Variants in BAZ1B observed in about 807,000 individuals in gnomAD.
BAZ1B encodes the protein bromodomain adjacent to zinc finger domain 1B, also known as tyrosine-protein kinase BAZ1B.
In BAZ1B, 22 loss-of-function variants were observed where a neutral mutation model predicts 153.8. The observed-to-expected ratio is 0.14, with a 90% CI of 0.10 to 0.20. The LOEUF is 0.20. Ranked by LOEUF, BAZ1B falls within the 10% of genes least tolerant of loss-of-function variation. The probability of loss-of-function intolerance (pLI) is 1.00; values close to 1 mark genes in which losing one functional copy is unlikely to be tolerated. For missense variants in BAZ1B, 1,325 were observed against 1,799.3 expected (o/e 0.74, Z 4.77); for synonymous variants, 676 against 633.4 (o/e 1.07, Z -1.01).
At chr7:73,514,455 C>G (rs1790709991) in intron 1 of BAZ1B, among the ~76,000 whole-genome samples, 1 of 150,958 alleles carries the variant, frequency 6.6e-6, no homozygotes, top group South Asian at 2.1e-4. Context: ...ACTGCTTGAA[C>G]CTTGGAGACG....
chr7:73,443,081 G>A (rs188367547), intron 17 of BAZ1B, among the ~76,000 whole-genome samples: 1 of 152,314 alleles, frequency 6.6e-6, no homozygotes, highest in African/African-American at 2.4e-5. Flanking sequence ...GGCAGCGGGG[G>A]CCGCCTTTAC....
chr7:73,495,652 A>G (rs1211919752), intron 4 of BAZ1B, among the ~76,000 whole-genome samples: 2 of 152,234 alleles, frequency 1.3e-5, no homozygotes, highest in Non-Finnish European at 2.9e-5. Flanking sequence ...AACAATGGAC[A>G]CAAGAAAGAA....
chr7:73,464,250 G>T, intron 11 of BAZ1B: 1 of 746,076 alleles, frequency 1.3e-6, no homozygotes, highest in Non-Finnish European at 1.6e-6. Flanking sequence ...GAGGCATTAA[G>T]CCAAAATCTT....
intron 17 of BAZ1B, 67 bp from the exon 18 acceptor site, chr7:73,442,895 A>G: frequency 8.3e-7 from 1 of 1,202,042 alleles, no homozygotes. Context: ...CAGGGCAGAA[A>G]ATAAGTGTAT....
In BAZ1B at chr7:73,492,760, A is replaced by G. The variant is rs1554575737; in HGVS notation, c.693+40T>C. 5 of 1,525,364 alleles carry G rather than the reference A, an allele frequency of 3.3e-6. No homozygotes were observed. The South Asian group carries it at 5.0e-5, about 15-fold the overall frequency. 94.5% of individuals were successfully genotyped at this position (1,525,364 alleles called of 1,614,324 possible). On this transcript the variant is annotated intron_variant, in intron 5 of 19. Coordinates refer to ENST00000339594, the MANE Select transcript of BAZ1B (RefSeq NM_032408.4). ...AAGCAACCCTATGATATTTTCTTAA[A>G]GAACATCTATCACATGTAAAAAGTA...
chr7:73,452,286 A>T (rs34763247), intron 13 of BAZ1B, among the ~76,000 whole-genome samples: 14,067 of 152,206 alleles, frequency 0.092, 783 homozygotes, highest in Middle Eastern at 0.13. Flanking sequence ...TTACTGCTGA[A>T]CAATATCTCA....
chr7:73,468,724 C>G (rs1788686140), intron 9 of BAZ1B, among the ~76,000 whole-genome samples: 1 of 152,148 alleles, frequency 6.6e-6, no homozygotes. Context: ...TTTCTCCTCA[C>G]AAGAATTTTA....
In BAZ1B at chr7:73,466,369, T is replaced by C. The variant is rs1788584492; in HGVS notation, c.2899A>G (p.Met967Val). 2.5e-6 allele frequency: 4 copies of C among 1,614,022 alleles called. No individual in the cohort carries two copies. Among genetic ancestry groups the C allele is most frequent in the Non-Finnish European group, 3.4e-6 (4 of 1,179,916 alleles). ...GTTGCTGTTCCATGTTGTGTGTTCA[T>C]GCTTGCATTTTTACCTAAGTTTGCT... ...KKANLGKNASMNTQHGTATEV... is the reference protein window; with the variant it reads ...KKANLGKNASVNTQHGTATEV... Residue 967 changes from methionine (M) to valine (V), a missense_variant, in exon 10 of 20, where the codon ATG becomes GTG. Around this residue, in one of 9 missense-constraint regions of BAZ1B, gnomAD observed 431 missense variants for 563.5 expected, o/e 0.76. Coordinates refer to ENST00000339594, the MANE Select transcript of BAZ1B (RefSeq NM_032408.4).
At position 73,478,421 on chromosome 7, in the gene BAZ1B, C is replaced by T; in HGVS notation, c.1040G>A (p.Ser347Asn). The change falls in exon 7 of 20, where the codon AGT (serine) becomes AAT (asparagine). Residue 347 changes from serine (S) to asparagine (N), a missense_variant. Coordinates refer to ENST00000339594, the MANE Select transcript of BAZ1B (RefSeq NM_032408.4). ...WCHVHLKKSL[S>N]GSPLKVKNSK... ...GTTCTTCACTTTGAGTGGCGAGCCA[C>T]TCAATGACTTCTTCAAGTGTACGTG... is the stretch of plus-strand genomic sequence containing the variant. 1 of 1,612,902 alleles carries T rather than the reference C, an allele frequency of 6.2e-7. No individual in the cohort carries two copies. The highest frequency in any genetic ancestry group is 8.5e-7 in the Non-Finnish European group (1 of 1,179,600).
At position 73,449,677 on chromosome 7, in the gene BAZ1B, T is replaced by C. The variant is rs1395832978; in HGVS notation, c.3593A>G (p.Lys1198Arg). ...ATTACACTCATCACACAAGATCAAT[T>C]TGTCATCCTCACCTGCAGAGAGATA... Reference protein sequence around the residue: ...KVCRKKGEDDKLILCDECNKA... With the variant: ...KVCRKKGEDDRLILCDECNKA... The change falls in exon 15 of 20, where the codon AAA (lysine) becomes AGA (arginine). Residue 1198 changes from lysine (K) to arginine (R), a missense_variant. This residue lies in a region of BAZ1B where 21 missense variants were observed against 58.3 expected (regional missense o/e 0.36). Coordinates refer to ENST00000339594, the MANE Select transcript of BAZ1B (RefSeq NM_032408.4). 4.3e-6 allele frequency: 7 copies of C among 1,613,786 alleles called. No homozygotes were observed. The highest frequency in any genetic ancestry group is 5.9e-6 in the Non-Finnish European group (7 of 1,179,960).
chr7:73,508,179 A>G (rs1435401393), intron 3 of BAZ1B, 148 bp downstream of exon 3: 2 of 851,804 alleles, frequency 2.3e-6, no homozygotes, highest in Admixed American at 3.7e-5. Context: ...AAGAAAACAC[A>G]CAAGTATTAA....
At chr7:73,494,277 G>A (rs187345293) in intron 4 of BAZ1B, among the ~76,000 whole-genome samples, 488 of 152,258 alleles carry the variant, frequency 3.2e-3, no homozygotes, top group Middle Eastern at 0.014. Flanking sequence ...CAGCTACTCG[G>A]GAGGCTGAGG....
chr7:73,481,852 A>G (rs1789214055), intron 6 of BAZ1B, among the ~76,000 whole-genome samples: 1 of 152,112 alleles, frequency 6.6e-6, no homozygotes, highest in African/African-American at 2.4e-5. Context: ...CCTGGCTAAC[A>G]CAGTGAAACA....
At chr7:73,451,312 TA>T (rs1484329525) in intron 13 of BAZ1B, among the ~76,000 whole-genome samples, 1 of 152,174 alleles carries the variant, frequency 6.6e-6, no homozygotes, top group African/African-American at 2.4e-5. Context: ...AGACAGCTAA[TA>T]AAACTCCGAT....
chr7:73,460,122 G>A lies in BAZ1B; in HGVS notation c.3250-404C>T, dbSNP rs562938941. Among the ~76,000 whole-genome samples the A allele has an allele frequency of 1.3e-3, 197 of 151,062 alleles. 1 individual carries two copies. Among genetic ancestry groups the A allele is most frequent in the African/African-American group, 4.6e-3 (191 of 41,156 alleles). ...GAGAATCACTTGAACCCGGGAGGAGGAGGTTGCAGTGAGCCAAGATCGTGC... is the reference window on the plus strand; with the variant it reads ...GAGAATCACTTGAACCCGGGAGGAGAAGGTTGCAGTGAGCCAAGATCGTGC... On this transcript the variant is annotated intron_variant, in intron 12 of 19. Coordinates refer to ENST00000339594, the MANE Select transcript of BAZ1B (RefSeq NM_032408.4).
In BAZ1B at chr7:73,440,576, C is replaced by T. The variant is rs1344350247; in HGVS notation, c.*1133G>A. On this transcript the variant is annotated 3_prime_UTR_variant, in exon 20 of 20. Transcript: ENST00000339594. ...ACAGGATTCTCACTATGAACAAGAA[C>T]AGACTGGATGTAGGAGGCAGGGGAA... is the stretch of plus-strand genomic sequence containing the variant. 1.3e-5 allele frequency: 2 copies of T among 151,380 alleles called. No homozygotes were observed. The highest frequency in any genetic ancestry group is 2.4e-5 in the African/African-American group (1 of 41,228). 9.4% of individuals were successfully genotyped at this position (151,380 alleles called of 1,614,324 possible).
At chr7:73,513,998 G>A (rs1277618412) in intron 1 of BAZ1B, among the ~76,000 whole-genome samples, 3 of 152,132 alleles carry the variant, frequency 2.0e-5, no homozygotes, top group African/African-American at 4.8e-5. Context: ...AAAATGCTTA[G>A]AACCGGGAGT....
chr7:73,454,604 G>T (rs1554569219), intron 13 of BAZ1B, among the ~76,000 whole-genome samples: 2 of 152,172 alleles, frequency 1.3e-5, no homozygotes, highest in Admixed American at 1.3e-4. Context: ...ACAAGAACCA[G>T]CTGTCAGTGA....
Position 73,464,052 on chromosome 7 carries a change from A to G in BAZ1B, c.3072-953T>C, listed in dbSNP as rs1788489057. ...GCCTAGACACATCTGTATTCAGACA[A>G]CACAATTCTGAATACAGTTTTACTT... On this transcript the variant is annotated intron_variant, in intron 11 of 19. Transcript: ENST00000339594. The G allele has an allele frequency of 4.7e-6, 4 of 858,570 alleles. 1 individual carries two copies. In the South Asian group the frequency reaches 2.1e-4, roughly 46 times the overall value. The allele number at this position is 858,570 out of a possible 1,614,324, so 53.2% of individuals were successfully genotyped here.
Sources: gnomAD v4.1 joint callset for allele counts (sites outside exome capture counted in the v4.1 genomes callset) on GRCh38, gnomAD v4.1.1 for gene constraint, gnomAD v4.1.1 regional missense constraint, MANE v1.5 for transcripts, NCBI Gene and HGNC (gene_info 2026-07-23, HGNC 2026-07-21) for gene names.